PARD3: variants seen among roughly 807,000 people sequenced by gnomAD.
PARD3 encodes par-3 family cell polarity regulator, also known as partitioning defective 3 homolog.
In PARD3, 75 loss-of-function variants were observed where a neutral mutation model predicts 155.4. The ratio of observed to expected loss-of-function variants is 0.48; its 90% CI spans 0.40 to 0.58. The LOEUF (loss-of-function observed/expected upper bound fraction) is 0.58. Among genes scored for constraint, PARD3 ranks in the 20% least tolerant of loss-of-function variants. The pLI is 0.00. For missense variants in PARD3, 1,642 were observed against 1,721.7 expected (o/e 0.95, Z 0.82); for synonymous variants, 576 against 610.5 (o/e 0.94, Z 0.83).
intron 2 of PARD3, among the ~76,000 whole-genome samples, chr10:34,636,102 GGAAGGAA>G (rs999665813): frequency 3.3e-5 from 5 of 151,960 alleles, no homozygotes; most frequent in Non-Finnish European, 5.9e-5. Flanking sequence ...GAAGGAAGAC[GGAAGGAA>G]GAAGGAAGAA....
At chr10:34,809,416 G>A (rs897823207) in intron 1 of PARD3, among the ~76,000 whole-genome samples, 6 of 152,142 alleles carry the variant, frequency 3.9e-5, no homozygotes, top group African/African-American at 1.4e-4. Context: ...GTCGGTACAG[G>A]AGCTACACCC....
At chr10:34,275,938 G>C (rs953056497) in intron 21 of PARD3, among the ~76,000 whole-genome samples, 1 of 151,730 alleles carries the variant, frequency 6.6e-6, no homozygotes, top group African/African-American at 2.4e-5. Context: ...CATTTATCTC[G>C]GGCCAAACCT....
chr10:34,128,942 A>G (rs921424785), intron 23 of PARD3, among the ~76,000 whole-genome samples: 76 of 152,282 alleles, frequency 5.0e-4, no homozygotes, highest in African/African-American at 1.8e-3. Flanking sequence ...GCAGGGACCA[A>G]GAATATGTAT....
At chr10:34,431,539 A>G (rs2075900179) in intron 5 of PARD3, among the ~76,000 whole-genome samples, 1 of 151,954 alleles carries the variant, frequency 6.6e-6, no homozygotes, top group Non-Finnish European at 1.5e-5. Flanking sequence ...TCAGGAGTTC[A>G]AGACCAGTCT....
intron 1 of PARD3, among the ~76,000 whole-genome samples, chr10:34,713,828 C>T (rs1786497948): frequency 6.6e-6 from 1 of 152,048 alleles, no homozygotes; most frequent in African/African-American, 2.4e-5. Flanking sequence ...TCACGGACAT[C>T]TCCAGGCAGA....
intron 22 of PARD3, among the ~76,000 whole-genome samples, chr10:34,218,693 AAAG>A (rs1220755515): frequency 2.6e-5 from 4 of 152,184 alleles, no homozygotes; most frequent in Middle Eastern, 3.4e-3. Context: ...AGGAAGAAAA[AAAG>A]AAGAATCAGC....
chr10:34,514,328 A>G, intron 3 of PARD3, among the ~76,000 whole-genome samples: 1 of 152,222 alleles, frequency 6.6e-6, no homozygotes. Context: ...GTAAATAGTT[A>G]GACTACCATT....
At chr10:34,725,156 A>T (rs1213665609) in intron 1 of PARD3, among the ~76,000 whole-genome samples, 80 of 34,982 alleles carry the variant, frequency 2.3e-3, no homozygotes, top group African/African-American at 3.7e-3. Context: ...TGTGTGACAG[A>T]GAGAGAGAGA....
chr10:34,815,054 G>A lies in PARD3; in HGVS notation c.-59C>T. ...GCCGAGCGCAGCCGGAGCAGCCGAG[G>A]CCGGGACCGAGGACGCTGGGCGCGG... On this transcript the variant is annotated 5_prime_UTR_variant, in exon 1 of 25. Coordinates refer to ENST00000374788, the MANE Select transcript of PARD3 (RefSeq NM_001184785.2). 8.4e-7 allele frequency: 1 copy of A among 1,191,860 alleles called. No individual in the cohort carries two copies. Among genetic ancestry groups the A allele is most frequent in the South Asian group, 3.2e-5 (1 of 31,538 alleles). The allele number at this position is 1,191,860 out of a possible 1,614,324, so 73.8% of individuals were successfully genotyped here. A position where few individuals can be genotyped will look rare whatever the true frequency, so the allele number is the denominator to read the frequency against.
intron 2 of PARD3, among the ~76,000 whole-genome samples, chr10:34,565,393 G>C (rs1026961175): frequency 6.8e-6 from 1 of 147,516 alleles, no homozygotes; most frequent in African/African-American, 2.5e-5. Context: ...TTGGCCTCTC[G>C]AGTAGCTGGG....
At chr10:34,632,817 G>T (rs2092323051) in intron 2 of PARD3, among the ~76,000 whole-genome samples, 1 of 152,214 alleles carries the variant, frequency 6.6e-6, no homozygotes, top group Non-Finnish European at 1.5e-5. Flanking sequence ...TCAAACAGAA[G>T]GAATCAATTA....
At chr10:34,204,512 T>G (rs1028155786) in intron 22 of PARD3, among the ~76,000 whole-genome samples, 1 of 152,178 alleles carries the variant, frequency 6.6e-6, no homozygotes, top group Non-Finnish European at 1.5e-5. Flanking sequence ...CAACCTTCAT[T>G]TAACCCAAAA....
chr10:34,695,435 G>A (rs564085418), intron 2 of PARD3, among the ~76,000 whole-genome samples: 119 of 138,844 alleles, frequency 8.6e-4, no homozygotes, highest in Non-Finnish European at 1.5e-3. Flanking sequence ...CCGAGATCAC[G>A]CCACTGCATT....
At chr10:34,624,688 T>C (rs984894075) in intron 2 of PARD3, among the ~76,000 whole-genome samples, 1 of 152,230 alleles carries the variant, frequency 6.6e-6, no homozygotes, top group Non-Finnish European at 1.5e-5. Flanking sequence ...GACAGGAGGC[T>C]GACACTGTGC....
chr10:34,319,818 T>C, intron 19 of PARD3, among the ~76,000 whole-genome samples: 1 of 152,174 alleles, frequency 6.6e-6, no homozygotes, highest in African/African-American at 2.4e-5. Context: ...GTTTTTGAGA[T>C]ATGGGTGTGG....
chr10:34,739,161 C>A (rs1449181213), intron 1 of PARD3, among the ~76,000 whole-genome samples: 1 of 152,068 alleles, frequency 6.6e-6, no homozygotes, highest in East Asian at 1.9e-4. Flanking sequence ...TGGACTGGAT[C>A]CTGGCATAGA....
At chr10:34,564,249 T>C (rs898610541) in intron 2 of PARD3, among the ~76,000 whole-genome samples, 8 of 152,246 alleles carry the variant, frequency 5.3e-5, no homozygotes, top group Non-Finnish European at 5.9e-5. Flanking sequence ...AAGTAGTGTG[T>C]CATCCAATGT....
chr10:34,302,771 C>T (rs1202615925), intron 20 of PARD3, among the ~76,000 whole-genome samples: 1 of 152,176 alleles, frequency 6.6e-6, no homozygotes, highest in Non-Finnish European at 1.5e-5. Flanking sequence ...GAAGTCAAAA[C>T]CTCTTTCAGA....
chr10:34,674,659 G>A (rs1263006769), intron 2 of PARD3, among the ~76,000 whole-genome samples: 4 of 151,748 alleles, frequency 2.6e-5, no homozygotes, highest in Non-Finnish European at 5.9e-5. Context: ...GCTAATTTTC[G>A]TATTTTTAGT....
Sources: gnomAD v4.1 joint callset for allele counts (sites outside exome capture counted in the v4.1 genomes callset) on GRCh38, gnomAD v4.1.1 for gene constraint, MANE v1.5 for transcripts, NCBI Gene and HGNC (gene_info 2026-07-23, HGNC 2026-07-21) for gene names.